AKAP11: variants seen among roughly 807,000 people sequenced by gnomAD.
AKAP11 encodes the protein A-kinase anchor protein 11.
In AKAP11, 36 loss-of-function variants were observed where a neutral mutation model predicts 146.1. The observed-to-expected ratio is 0.25, with a 90% CI of 0.19 to 0.33. The LOEUF (loss-of-function observed/expected upper bound fraction) is 0.33. Ranked by LOEUF, AKAP11 falls within the 10% of genes least tolerant of loss-of-function variation. The probability of loss-of-function intolerance (pLI) is 1.00; values close to 1 mark genes in which losing one functional copy is unlikely to be tolerated. For synonymous variants in AKAP11, 780 were observed against 786.5 expected, an observed-to-expected ratio of 0.99 and a Z score of 0.14; for missense variants, 2,201 against 2,197.0, an observed-to-expected ratio of 1.00 and a Z score of -0.04.
intron 11 of AKAP11, among the ~76,000 whole-genome samples, chr13:42,316,629 G>A (rs1262073181): frequency 6.6e-6 from 1 of 152,154 alleles, no homozygotes; most frequent in Non-Finnish European, 1.5e-5. Flanking sequence ...AAGAATGAGA[G>A]ATTAAGAGCA....
chr13:42,276,125 C>G (rs1958911137), intron 1 of AKAP11, among the ~76,000 whole-genome samples: 1 of 152,144 alleles, frequency 6.6e-6, no homozygotes, highest in African/African-American at 2.4e-5. Flanking sequence ...TCTGTTCTTT[C>G]CCAGTCGCTG....
chr13:42,301,715 A>T lies in AKAP11; in HGVS notation c.2969A>T (p.Asp990Val). 4 of 1,614,112 alleles carry T rather than the reference A, an allele frequency of 2.5e-6. No homozygotes were observed. The highest frequency in any genetic ancestry group is 3.4e-6 in the Non-Finnish European group (4 of 1,180,000). The change falls in exon 8 of 13, where the codon GAC becomes GTC. Residue 990 changes from aspartate (D) to valine (V), a missense_variant. Physicochemically the swap from Asp to Val is radical, Grantham distance 152 (BLOSUM62 -3). Transcript: ENST00000025301. ...CCAGAAAAGTCTCCCAAATTTCCTG[A>T]CTCTCAGAATCAGTTAACTCACTGC... ...LTPEKSPKFPDSQNQLTHCSL... is the reference protein window; with the variant it reads ...LTPEKSPKFPVSQNQLTHCSL...
intron 1 of AKAP11, among the ~76,000 whole-genome samples, chr13:42,272,771 T>G (rs1393364755): frequency 6.6e-6 from 1 of 152,188 alleles, no homozygotes. Context: ...AGTATTGATA[T>G]TTGGATTTGC....
At chr13:42,289,941 C>T (rs901035953) in intron 3 of AKAP11, among the ~76,000 whole-genome samples, 3 of 152,220 alleles carry the variant, frequency 2.0e-5, no homozygotes, top group East Asian at 3.9e-4. Flanking sequence ...GATTCACCCT[C>T]GGTTAGCATC....
Position 42,303,775 on chromosome 13 carries a change from A to G in AKAP11, c.5029A>G (p.Ile1677Val). 1 of 1,614,120 alleles carries G rather than the reference A, an allele frequency of 6.2e-7. No homozygotes were observed. Among genetic ancestry groups the G allele is most frequent in the Non-Finnish European group, 8.5e-7 (1 of 1,179,996 alleles). Residue 1677 changes from isoleucine (I) to valine (V), a missense_variant, in exon 8 of 13, where the codon ATC (isoleucine) becomes GTC (valine). Transcript: ENST00000025301. ...SSTSLAADSGIGQEGASFAES... is the reference protein window; with the variant it reads ...SSTSLAADSGVGQEGASFAES... ...TACCAGCCTGGCAGCCGACAGTGGG[A>G]TCGGACAGGAGGGTGCCAGCTTTGC... is the stretch of plus-strand genomic sequence containing the variant.
intron 3 of AKAP11, among the ~76,000 whole-genome samples, chr13:42,290,097 CTG>C (rs1200679203): frequency 2.0e-5 from 3 of 152,158 alleles, no homozygotes; most frequent in Non-Finnish European, 4.4e-5. Context: ...AGGATCCACA[CTG>C]TATTTGGTCA....
chr13:42,274,454 C>T (rs1453456321), intron 1 of AKAP11, among the ~76,000 whole-genome samples: 6 of 152,136 alleles, frequency 3.9e-5, no homozygotes, highest in Non-Finnish European at 8.8e-5. Context: ...GAGGCTGAGG[C>T]GGGTGGATCA....
Position 42,302,607 on chromosome 13 carries a change from G to A in AKAP11, c.3861G>A (p.Lys1287=). 2 of 1,614,092 alleles carry A rather than the reference G, an allele frequency of 1.2e-6. No individual in the cohort carries two copies. Among genetic ancestry groups the A allele is most frequent in the Non-Finnish European group, 1.7e-6 (2 of 1,179,986 alleles). Residue 1287 remains lysine (K), a synonymous_variant, in exon 8 of 13, where the codon AAG becomes AAA. Coordinates refer to ENST00000025301, the MANE Select transcript of AKAP11 (RefSeq NM_016248.4). The part of the protein sequence containing the change: ...VRNCMLFKQK[K]NSCYADGDED... ...ATTGTATGCTTTTCAAGCAAAAGAA[G>A]AACAGTTGTTATGCTGATGGTGACG...
chr13:42,290,353 A>G (rs1173890196), intron 3 of AKAP11, among the ~76,000 whole-genome samples: 1 of 152,190 alleles, frequency 6.6e-6, no homozygotes, highest in Non-Finnish European at 1.5e-5. Flanking sequence ...TGTTGATGTT[A>G]GGCTTGACTA....
At chr13:42,307,618 T>C (rs185184906) in intron 8 of AKAP11, among the ~76,000 whole-genome samples, 6 of 151,138 alleles carry the variant, frequency 4.0e-5, no homozygotes, top group African/African-American at 1.5e-4. Flanking sequence ...GGTGGGACTG[T>C]GCATGTTTGG....
At chr13:42,283,581 C>T (rs1326824550) in intron 1 of AKAP11, among the ~76,000 whole-genome samples, 1 of 152,148 alleles carries the variant, frequency 6.6e-6, no homozygotes, top group Non-Finnish European at 1.5e-5. Context: ...TCAGAGCACT[C>T]CCACCTCTCC....
At chr13:42,298,843 T>C (rs751171965) in intron 7 of AKAP11, 46 bp downstream of exon 7, 13 of 1,528,090 alleles carry the variant, frequency 8.5e-6, no homozygotes, top group African/African-American at 1.4e-5. Context: ...AATTAAAATT[T>C]TTCAGTTTTG....
chr13:42,275,666 T>C (rs984921438), intron 1 of AKAP11, among the ~76,000 whole-genome samples: 2 of 152,224 alleles, frequency 1.3e-5, no homozygotes, highest in African/African-American at 4.8e-5. Flanking sequence ...GTAGTCTCTT[T>C]ACAGGACAGA....
chr13:42,280,182 TG>T (rs889210381), intron 1 of AKAP11, among the ~76,000 whole-genome samples: 1 of 152,220 alleles, frequency 6.6e-6, no homozygotes, highest in African/African-American at 2.4e-5. Flanking sequence ...TATTGTGACC[TG>T]GAAGTAGCTG....
chr13:42,301,116 C>T lies in AKAP11; in HGVS notation c.2370C>T (p.Leu790=). The T allele has an allele frequency of 6.2e-7, 1 of 1,614,034 alleles. No homozygotes were observed. The highest frequency in any genetic ancestry group is 8.5e-7 in the Non-Finnish European group (1 of 1,179,952). Residue 790 remains leucine, a synonymous_variant, in exon 8 of 13, where the codon CTC becomes CTT. Coordinates refer to ENST00000025301, the MANE Select transcript of AKAP11 (RefSeq NM_016248.4). ...TGCCCTTGGCAGGAAGTGCCCTTCT[C>T]CCATATCATATTTCATCTACTGCAT... The part of the protein sequence containing the change: ...IPVPLAGSAL[L]PYHISSTACQ...
chr13:42,281,723 A>G (rs1379587358), intron 1 of AKAP11, among the ~76,000 whole-genome samples: 1 of 152,186 alleles, frequency 6.6e-6, no homozygotes, highest in African/African-American at 2.4e-5. Flanking sequence ...TATTACATAT[A>G]TAGATACACA....
chr13:42,274,334 A>G (rs949974290), intron 1 of AKAP11, among the ~76,000 whole-genome samples: 1 of 152,136 alleles, frequency 6.6e-6, no homozygotes, highest in Non-Finnish European at 1.5e-5. Context: ...AACAGCCTGG[A>G]AAGATCCAAG....
In AKAP11 at chr13:42,302,479, T is replaced by A. The variant is rs374576199; in HGVS notation, c.3733T>A (p.Phe1245Ile). The A allele has an allele frequency of 2.9e-4, 476 of 1,614,196 alleles. 4 individuals are homozygous for A. In the South Asian group the frequency reaches 4.5e-3, roughly 15 times the overall value. The change falls in exon 8 of 13, where the codon TTT becomes ATT. Residue 1245 changes from phenylalanine to isoleucine, a missense_variant. By Grantham distance (21) the Phe-to-Ile change is conservative (BLOSUM62 0). This residue lies in a region of AKAP11 where 1,867 missense variants were observed against 1,833.5 expected (regional missense o/e 1.02). Coordinates refer to ENST00000025301, the MANE Select transcript of AKAP11 (RefSeq NM_016248.4). Reference sequence around the variant, plus strand: ...AAGTCAAAGAAGTGTGTCGCCTACTTTTTTAAACCCCTCAGACGAAAATTT... The same window carrying A: ...AAGTCAAAGAAGTGTGTCGCCTACTATTTTAAACCCCTCAGACGAAAATTT... Reference protein sequence around the residue: ...VQSQRSVSPTFLNPSDENLKT... With the variant: ...VQSQRSVSPTILNPSDENLKT...
At position 42,317,634 on chromosome 13, in the gene AKAP11, G is replaced by A; in HGVS notation, c.5511G>A (p.Glu1837=). ...RIILQWLIAS[E]AEVAELYFHD... ...TTCTTCAGTGGCTCATTGCCTCTGA[G>A]GCTGAAGTTGCAGAACTTTATTTTC... Residue 1837 remains glutamate, a synonymous_variant, in exon 12 of 13, where the codon GAG becomes GAA. Coordinates refer to ENST00000025301, the MANE Select transcript of AKAP11 (RefSeq NM_016248.4). 1 of 1,614,174 alleles carries A rather than the reference G, an allele frequency of 6.2e-7. No individual in the cohort carries two copies. The highest frequency in any genetic ancestry group is 8.5e-7 in the Non-Finnish European group (1 of 1,180,006).
Sources: gnomAD v4.1 joint callset for allele counts (sites outside exome capture counted in the v4.1 genomes callset) on GRCh38, gnomAD v4.1.1 for gene constraint, gnomAD v4.1.1 regional missense constraint, MANE v1.5 for transcripts, NCBI Gene and HGNC (gene_info 2026-07-23, HGNC 2026-07-21) for gene names.